The following SRPK2 variants were observed in gnomAD, a reference collection of about 807,000 sequenced individuals.
SRPK2 encodes SRSF protein kinase 2, also known as SFRS protein kinase 2.
In SRPK2, 21 loss-of-function variants were observed where a neutral mutation model predicts 90.8. The ratio of observed to expected loss-of-function variants is 0.23; its 90% confidence interval spans 0.16 to 0.33. SRPK2 has a LOEUF of 0.33. Among genes scored for constraint, SRPK2 ranks in the 10% least tolerant of loss-of-function variants. SRPK2 has a pLI of 1.00. For synonymous variants in SRPK2, 288 were observed against 311.1 expected (o/e 0.93, Z 0.78); for missense variants, 620 against 869.0 (o/e 0.71, Z 3.60).
At chr7:105,278,339 A>T (rs2130757635) in intron 2 of SRPK2, among the ~76,000 whole-genome samples, 1 of 149,182 alleles carries the variant, frequency 6.7e-6, no homozygotes, top group Admixed American at 6.7e-5. Flanking sequence ...AAAGATAATT[A>T]TTTGATTATT....
intron 2 of SRPK2, among the ~76,000 whole-genome samples, chr7:105,376,581 C>T (rs1422207609): frequency 6.6e-6 from 1 of 150,448 alleles, no homozygotes; most frequent in Admixed American, 6.7e-5. Context: ...ACTCTGTTGC[C>T]CAGGCTTGAA....
At chr7:105,145,107 CAAA>C (rs10718877) in intron 9 of SRPK2, among the ~76,000 whole-genome samples, 173 bp downstream of exon 9, 13 of 107,160 alleles carry the variant, frequency 1.2e-4, no homozygotes, top group Admixed American at 1.9e-4. Flanking sequence ...ACTCAGTTTT[CAAA>C]AAAAAAAAAA....
intron 2 of SRPK2, among the ~76,000 whole-genome samples, chr7:105,207,061 T>C (rs1290799177): frequency 6.6e-6 from 1 of 152,220 alleles, no homozygotes; most frequent in East Asian, 1.9e-4. Flanking sequence ...GTCTACCACA[T>C]AGGAAAATCA....
chr7:105,212,586 C>T (rs894364702), intron 2 of SRPK2, among the ~76,000 whole-genome samples: 3 of 152,168 alleles, frequency 2.0e-5, no homozygotes, highest in Non-Finnish European at 4.4e-5. Context: ...AACCACAATG[C>T]TAAGAAGCTT....
intron 2 of SRPK2, among the ~76,000 whole-genome samples, chr7:105,257,436 A>T (rs1803485120): frequency 6.6e-6 from 1 of 152,220 alleles, no homozygotes; most frequent in African/African-American, 2.4e-5. Flanking sequence ...CACTGCTGAC[A>T]TGCAAAATTA....
chr7:105,274,584 G>A (rs780159161), intron 2 of SRPK2, among the ~76,000 whole-genome samples: 6 of 151,104 alleles, frequency 4.0e-5, no homozygotes, highest in African/African-American at 7.3e-5. Flanking sequence ...ATAAAAAGAC[G>A]GATGAATAGG....
chr7:105,284,602 T>C (rs948479455), intron 2 of SRPK2, among the ~76,000 whole-genome samples: 1 of 152,222 alleles, frequency 6.6e-6, no homozygotes, highest in Middle Eastern at 3.2e-3. Flanking sequence ...TGGAGCTATT[T>C]ATAAGGCTTG....
At chr7:105,286,138 G>T (rs1175398293) in intron 2 of SRPK2, among the ~76,000 whole-genome samples, 2 of 152,314 alleles carry the variant, frequency 1.3e-5, no homozygotes, top group East Asian at 3.9e-4. Context: ...TACCAAGACA[G>T]TCTGTACATA....
At chr7:105,388,549 C>T in intron 2 of SRPK2, 99 bp downstream of exon 2, 1 of 1,130,048 alleles carries the variant, frequency 8.8e-7, no homozygotes, top group South Asian at 1.8e-5. Context: ...ACCAGCCCGC[C>T]CGCCGGCCCG....
chr7:105,307,524 T>C (rs913245646), intron 2 of SRPK2, among the ~76,000 whole-genome samples: 1 of 152,226 alleles, frequency 6.6e-6, no homozygotes, highest in Non-Finnish European at 1.5e-5. Context: ...ACATGTGCTC[T>C]CTCTTATTTT....
chr7:105,160,763 G>T, intron 6 of SRPK2, 150 bp from the exon 7 acceptor site: 1 of 565,672 alleles, frequency 1.8e-6, no homozygotes, highest in Non-Finnish European at 3.2e-6. Flanking sequence ...AGAAAATGTT[G>T]TATCTCACTT....
At chr7:105,381,614 A>G (rs78855088) in intron 2 of SRPK2, among the ~76,000 whole-genome samples, 303 of 152,270 alleles carry the variant, frequency 2.0e-3, no homozygotes, top group Middle Eastern at 6.8e-3. Context: ...AGCATCCAAC[A>G]CACACCCTGG....
At chr7:105,175,471 T>A (rs1461322489) in intron 3 of SRPK2, among the ~76,000 whole-genome samples, 1 of 151,706 alleles carries the variant, frequency 6.6e-6, no homozygotes, top group South Asian at 2.1e-4. Context: ...ACTAAAAAAA[T>A]AGCAAACTTA....
At chr7:105,263,350 A>C (rs1305478646) in intron 2 of SRPK2, among the ~76,000 whole-genome samples, 1 of 152,138 alleles carries the variant, frequency 6.6e-6, no homozygotes, top group Non-Finnish European at 1.5e-5. Context: ...AGAAATGCTC[A>C]TAGCAGCACT....
At position 105,163,509 on chromosome 7, in the gene SRPK2, T is replaced by A. The variant is rs1431555359; in HGVS notation, c.515-2896A>T. On this transcript the variant is annotated intron_variant, in intron 6 of 15. Coordinates refer to ENST00000393651, the MANE Select transcript of SRPK2 (RefSeq NM_182692.3). The stretch of plus-strand genomic sequence containing the variant: ...GCATCAATTTGTGTGGAAAAAAAGT[T>A]TGCGGCCGGGCATGGTGGCTCACAC... 3.9e-5 allele frequency among the ~76,000 whole-genome samples: 6 copies of A among 152,000 alleles called. No individual in the cohort carries two copies. In the East Asian group the frequency reaches 9.6e-4, roughly 24 times the overall value.
intron 6 of SRPK2, among the ~76,000 whole-genome samples, chr7:105,166,558 C>A (rs1790094033): frequency 6.6e-6 from 1 of 152,122 alleles, no homozygotes; most frequent in African/African-American, 2.4e-5. Flanking sequence ...AATTATTAAA[C>A]TTGAGTGACG....
At chr7:105,335,086 G>A (rs145063218) in intron 2 of SRPK2, among the ~76,000 whole-genome samples, 91 of 151,660 alleles carry the variant, frequency 6.0e-4, no homozygotes, top group Middle Eastern at 3.4e-3. Flanking sequence ...AAGGAGAATC[G>A]CTTGAACCCA....
At chr7:105,132,951 G>A in intron 12 of SRPK2, 53 bp from the exon 13 acceptor site, 2 of 1,612,898 alleles carry the variant, frequency 1.2e-6, no homozygotes, top group Non-Finnish European at 1.7e-6. Context: ...TTCAAAAAGT[G>A]TCTTCGCACA....
At chr7:105,149,049 T>G (rs1045337151) in intron 7 of SRPK2, among the ~76,000 whole-genome samples, 9 of 152,312 alleles carry the variant, frequency 5.9e-5, no homozygotes, top group Middle Eastern at 6.8e-3. Context: ...CCTCGTGGGA[T>G]GAGAAAGACC....
Sources: gnomAD v4.1 joint callset for allele counts (sites outside exome capture counted in the v4.1 genomes callset) on GRCh38, gnomAD v4.1.1 for gene constraint, MANE v1.5 for transcripts, NCBI Gene and HGNC (gene_info 2026-07-23, HGNC 2026-07-21) for gene names.